TNRC6B: variants seen among roughly 807,000 people sequenced by gnomAD.
TNRC6B encodes trinucleotide repeat-containing gene 6B protein.
In TNRC6B, 52 loss-of-function variants were observed where a neutral mutation model predicts 203.6. The ratio of observed to expected loss-of-function variants is 0.26; its 90% CI spans 0.20 to 0.32. TNRC6B has a LOEUF of 0.32. Among genes scored for constraint, TNRC6B ranks in the 10% least tolerant of loss-of-function variants. TNRC6B has a pLI of 1.00. For missense variants in TNRC6B, 1,923 were observed against 2,286.2 expected, an observed-to-expected ratio of 0.84 and a Z score of 3.24; for synonymous variants, 838 against 845.7, an observed-to-expected ratio of 0.99 and a Z score of 0.16.
chr22:40,154,860 AATATATATATATAT>A (rs71199273), intron 3 of TNRC6B, among the ~76,000 whole-genome samples: 1 of 23,592 alleles, frequency 4.2e-5, no homozygotes, highest in Non-Finnish European at 6.2e-5. Context: ...AAAAAAAAAA[AATATATATATATAT>A]ATATATATAT....
At chr22:40,290,701 C>G (rs2070858791) in intron 12 of TNRC6B, among the ~76,000 whole-genome samples, 1 of 151,970 alleles carries the variant, frequency 6.6e-6, no homozygotes, top group Non-Finnish European at 1.5e-5. Context: ...TGTCTTTTCT[C>G]CCTCTCTGCC....
intron 1 of TNRC6B, among the ~76,000 whole-genome samples, chr22:40,073,856 G>A (rs1304963034): frequency 6.6e-6 from 1 of 152,054 alleles, no homozygotes; most frequent in African/African-American, 2.4e-5. Flanking sequence ...TCAGGAGTTC[G>A]AGACCAACCT....
At chr22:40,295,676 G>A (rs2070929401) in intron 12 of TNRC6B, among the ~76,000 whole-genome samples, 1 of 152,040 alleles carries the variant, frequency 6.6e-6, no homozygotes, top group South Asian at 2.1e-4. Context: ...TCAGAAGATG[G>A]ATAGTAAGGG....
intron 3 of TNRC6B, among the ~76,000 whole-genome samples, chr22:40,251,752 G>A (rs1296382605): frequency 1.3e-5 from 2 of 151,848 alleles, no homozygotes; most frequent in African/African-American, 2.4e-5. Context: ...TCATGATTGT[G>A]AACTGAACCT....
At chr22:40,163,301 C>T (rs28622226) in intron 4 of TNRC6B, among the ~76,000 whole-genome samples, 8 of 147,934 alleles carry the variant, frequency 5.4e-5, no homozygotes, top group Non-Finnish European at 3.0e-5. Flanking sequence ...GTAGTTCCAG[C>T]TTCTCAAGAT....
chr22:40,132,969 A>AATATATATATATATATATAT (rs1166468730), intron 3 of TNRC6B, among the ~76,000 whole-genome samples: 17 of 78,154 alleles, frequency 2.2e-4, no homozygotes, highest in South Asian at 6.2e-4. Context: ...AAAAAAAAAA[A>AATATATATATATATATATAT]ATATATATAT....
intron 2 of TNRC6B, among the ~76,000 whole-genome samples, chr22:40,121,852 G>A (rs1328122437): frequency 1.3e-5 from 2 of 152,204 alleles, no homozygotes; most frequent in Non-Finnish European, 2.9e-5. Context: ...TCGCTGCTAA[G>A]GTCAAAATAC....
chr22:40,305,032 G>A (rs1307478567), intron 15 of TNRC6B, among the ~76,000 whole-genome samples: 1 of 152,216 alleles, frequency 6.6e-6, no homozygotes, highest in Non-Finnish European at 1.5e-5. Flanking sequence ...CAGAGAGAGT[G>A]AAGGCAGGAT....
In TNRC6B at chr22:40,267,026, A is replaced by G. The variant is rs757945965; in HGVS notation, c.2796A>G (p.Lys932=). 3.1e-6 allele frequency: 5 copies of G among 1,596,256 alleles called. No individual in the cohort carries two copies. The South Asian group carries it at 3.4e-5, about 11-fold the overall frequency. The change falls in exon 5 of 23, where the codon AAA becomes AAG. Residue 932 remains lysine, a synonymous_variant. Transcript: ENST00000454349. ...ACCTGCCCACCCCAATGACCAGTAAATCGGCATCAGGTAAGCAGTGGCTTT... is the reference window on the plus strand; with the variant it reads ...ACCTGCCCACCCCAATGACCAGTAAGTCGGCATCAGGTAAGCAGTGGCTTT... ...EPNLPTPMTS[K]SASVWSKSTP...
intron 1 of TNRC6B, among the ~76,000 whole-genome samples, chr22:40,100,313 C>T (rs1431862747): frequency 6.6e-6 from 1 of 151,386 alleles, no homozygotes; most frequent in African/African-American, 2.4e-5. Flanking sequence ...TGGTCTCGAA[C>T]TTCTGGCCTC....
chr22:40,175,678 T>C (rs576455447), upstream of TNRC6B, among the ~76,000 whole-genome samples: 6 of 152,284 alleles, frequency 3.9e-5, no homozygotes, highest in East Asian at 1.2e-3. Context: ...AGGATAAAAA[T>C]AGACTAAATA....
chr22:40,096,528 C>T (rs1385807807), intron 1 of TNRC6B, among the ~76,000 whole-genome samples: 1 of 152,154 alleles, frequency 6.6e-6, no homozygotes, highest in African/African-American at 2.4e-5. Context: ...AGGACTTCAT[C>T]AAGATGTTGT....
chr22:40,288,676 G>T (rs1361448386), intron 12 of TNRC6B, among the ~76,000 whole-genome samples: 1 of 151,320 alleles, frequency 6.6e-6, no homozygotes, highest in African/African-American at 2.4e-5. Context: ...CCGAGTAGCT[G>T]GGACTACAGG....
chr22:40,081,304 C>A (rs868680648), intron 1 of TNRC6B, among the ~76,000 whole-genome samples: 2 of 124,768 alleles, frequency 1.6e-5, no homozygotes, highest in African/African-American at 5.7e-5. Context: ...TAAGTGTCTG[C>A]GTGTTTTTTT....
chr22:40,173,126 G>GT (rs35240377), upstream of TNRC6B, among the ~76,000 whole-genome samples: 42 of 150,646 alleles, frequency 2.8e-4, no homozygotes, highest in South Asian at 8.4e-4. Context: ...TTGTTTTTTG[G>GT]TTTTTTTTTG....
At chr22:40,276,203 C>G (rs540932782) in intron 7 of TNRC6B, among the ~76,000 whole-genome samples, 2 of 151,242 alleles carry the variant, frequency 1.3e-5, no homozygotes, top group East Asian at 4.0e-4. Flanking sequence ...AAAAATTAAC[C>G]GGGCATGGTG....
chr22:40,319,411 A>ACTTTT (rs72240050), intron 21 of TNRC6B, among the ~76,000 whole-genome samples: 6 of 148,108 alleles, frequency 4.1e-5, no homozygotes, highest in African/African-American at 1.5e-4. Flanking sequence ...TGTTGTTATA[A>ACTTTT]CTTTTCTTTT....
chr22:40,286,526 G>T (rs2070784855), intron 12 of TNRC6B, among the ~76,000 whole-genome samples: 1 of 152,002 alleles, frequency 6.6e-6, no homozygotes, highest in Non-Finnish European at 1.5e-5. Context: ...AATAGAAAAT[G>T]AGAATTGCCA....
chr22:40,170,340 G>T (rs1370297444), intron 4 of TNRC6B, among the ~76,000 whole-genome samples: 1 of 69,004 alleles, frequency 1.4e-5, no homozygotes, highest in African/African-American at 6.7e-5. Context: ...ATTATATATA[G>T]TTTATATATA....
Sources: gnomAD v4.1 joint callset for allele counts (sites outside exome capture counted in the v4.1 genomes callset) on GRCh38, gnomAD v4.1.1 for gene constraint, MANE v1.5 for transcripts, NCBI Gene and HGNC (gene_info 2026-07-23, HGNC 2026-07-21) for gene names.